DOP1A: variants seen among roughly 807,000 people sequenced by gnomAD.
DOP1A encodes protein DOP1A.
Under a neutral mutation model 267.6 loss-of-function variants are expected in DOP1A, and 90 were observed. The observed-to-expected ratio is 0.34, with a 90% CI of 0.28 to 0.40. DOP1A has a LOEUF of 0.40. Ranked by LOEUF, DOP1A falls within the 10% of genes least tolerant of loss-of-function variation. The pLI is 1.00. For missense variants in DOP1A, 2,437 were observed against 2,900.4 expected, an observed-to-expected ratio of 0.84 and a Z score of 3.67; for synonymous variants, 932 against 999.1, an observed-to-expected ratio of 0.93 and a Z score of 1.27.
intron 14 of DOP1A, 79 bp downstream of exon 14, chr6:83,125,274 A>G: frequency 7.3e-7 from 1 of 1,376,672 alleles, no homozygotes; most frequent in Admixed American, 2.4e-5. Context: ...TGTAGCAGAT[A>G]AAACTGGGGT....
At chr6:83,155,157 A>G (rs778492415) in intron 33 of DOP1A, among the ~76,000 whole-genome samples, 23 of 152,186 alleles carry the variant, frequency 1.5e-4, no homozygotes, top group Non-Finnish European at 2.6e-4. Flanking sequence ...TTCCAGGAAT[A>G]GGGAACAAGA....
At position 83,120,674 on chromosome 6, in the gene DOP1A, T is replaced by C; in HGVS notation, c.991-9T>C. The C allele has an allele frequency of 6.4e-7, 1 of 1,561,236 alleles. No homozygotes were observed. Among genetic ancestry groups the C allele is most frequent in the East Asian group, 2.3e-5 (1 of 44,050 alleles). On this transcript the variant is annotated splice_polypyrimidine_tract_variant and intron_variant, in intron 9 of 38. Transcript: ENST00000349129. ...ACTTAAATGACCAGTGTACTTTCCT[T>C]TTTTAAAGGCAATGGTGGGAATCTT...
chr6:83,166,247 G>T, intron 38 of DOP1A: 2 of 527,518 alleles, frequency 3.8e-6, no homozygotes, highest in South Asian at 6.7e-5. Context: ...TCAACATTGA[G>T]TTCTTGGGCA....
At chr6:83,090,666 T>C (rs1770185838) in intron 1 of DOP1A, among the ~76,000 whole-genome samples, 1 of 152,220 alleles carries the variant, frequency 6.6e-6, no homozygotes, top group South Asian at 2.1e-4. Flanking sequence ...GCACATGATT[T>C]TATATTTTAG....
In DOP1A at chr6:83,120,758, A is replaced by G. The variant is rs371712101; in HGVS notation, c.1066A>G (p.Ile356Val). 59 of 1,578,838 alleles carry G rather than the reference A, an allele frequency of 3.7e-5. No homozygotes were observed. The highest frequency in any genetic ancestry group is 4.8e-5 in the Non-Finnish European group (56 of 1,155,570). Residue 356 changes from isoleucine (I) to valine (V), a missense_variant, in exon 10 of 39, where the codon ATT becomes GTT. Coordinates refer to ENST00000349129, the MANE Select transcript of DOP1A (RefSeq NM_015018.4). ...TLMQDLKPFR[I>V]LISLLDKPEL... ...AATGCAGGATCTAAAGCCTTTTCGC[A>G]TTTTAATCAGTTTACTGGACAAACC... is the stretch of plus-strand genomic sequence containing the variant.
At chr6:83,148,688 G>A (rs1781010118) in intron 26 of DOP1A, 71 bp from the exon 27 acceptor site, 2 of 1,035,000 alleles carry the variant, frequency 1.9e-6, no homozygotes, top group South Asian at 1.7e-5. Flanking sequence ...TAAAAATTTA[G>A]AGAATGTTCC....
At chr6:83,169,083 T>C (rs1397702959), downstream of DOP1A, 1 of 1,438,038 alleles carries the variant, frequency 7.0e-7, no homozygotes, top group Non-Finnish European at 9.1e-7. Flanking sequence ...AGAATTATTC[T>C]GTTAGTGTTT....
intron 29 of DOP1A, 122 bp from the exon 30 acceptor site, chr6:83,152,166 A>T (rs1430164624): frequency 1.1e-6 from 1 of 911,296 alleles, no homozygotes. Context: ...CAGTGGGAAA[A>T]ATATATATAT....
chr6:83,073,916 G>A (rs1786032505), intron 1 of DOP1A, among the ~76,000 whole-genome samples: 1 of 152,174 alleles, frequency 6.6e-6, no homozygotes, highest in Non-Finnish European at 1.5e-5. Context: ...ATATCAAAGT[G>A]GGAGCTACAG....
chr6:83,140,687 A>G (rs987581042), intron 23 of DOP1A, among the ~76,000 whole-genome samples: 17 of 152,106 alleles, frequency 1.1e-4, no homozygotes, highest in African/African-American at 3.6e-4. Context: ...GGCCATTTGC[A>G]CTCACTCCCT....
chr6:83,154,075 A>G, intron 32 of DOP1A, 32 bp downstream of exon 32: 1 of 1,613,376 alleles, frequency 6.2e-7, no homozygotes, highest in East Asian at 2.2e-5. Flanking sequence ...ATTCAGCATG[A>G]TGCACCTCAC....
intron 7 of DOP1A, among the ~76,000 whole-genome samples, chr6:83,115,416 A>C (rs2128194889): frequency 6.6e-6 from 1 of 152,328 alleles, no homozygotes; most frequent in Middle Eastern, 3.4e-3. Context: ...TACTCTGAGC[A>C]GTTTTTAAGA....
chr6:83,111,992 C>T (rs1326438046), intron 6 of DOP1A, among the ~76,000 whole-genome samples: 6 of 151,980 alleles, frequency 3.9e-5, no homozygotes, highest in South Asian at 2.1e-4. Context: ...TTCTTCAATG[C>T]GTAAGTTTAT....
chr6:83,096,197 C>T (rs1028560762), intron 1 of DOP1A, among the ~76,000 whole-genome samples: 4 of 151,898 alleles, frequency 2.6e-5, no homozygotes, highest in African/African-American at 7.3e-5. Flanking sequence ...AAGCTATCCT[C>T]TCACTTCAGC....
At chr6:83,111,406 A>C (rs1025641125) in intron 6 of DOP1A, among the ~76,000 whole-genome samples, 1 of 151,502 alleles carries the variant, frequency 6.6e-6, no homozygotes, top group Non-Finnish European at 1.5e-5. Flanking sequence ...TGCCATTTCC[A>C]AGTTTTTTGG....
At chr6:83,088,794 A>T (rs115989742) in intron 1 of DOP1A, among the ~76,000 whole-genome samples, 1,758 of 152,298 alleles carry the variant, frequency 0.012, 42 homozygotes, top group African/African-American at 0.04. Flanking sequence ...TGACTAAATA[A>T]ATGATTCCTG....
At chr6:83,166,687 AT>A (rs1434520668) in intron 38 of DOP1A, 10 of 1,247,152 alleles carry the variant, frequency 8.0e-6, no homozygotes, top group Middle Eastern at 3.1e-4. Flanking sequence ...CCAACCTAAT[AT>A]TTTCCTTTTT....
At chr6:83,115,691 C>T (rs1436250767) in intron 7 of DOP1A, among the ~76,000 whole-genome samples, 2 of 152,278 alleles carry the variant, frequency 1.3e-5, no homozygotes, top group Non-Finnish European at 2.9e-5. Flanking sequence ...TGCCACTGCA[C>T]TCCAGCCTGG....
chr6:83,078,170 T>C (rs536697168), intron 1 of DOP1A, among the ~76,000 whole-genome samples: 28 of 152,324 alleles, frequency 1.8e-4, no homozygotes, highest in African/African-American at 5.5e-4. Context: ...TAGGTTTTGC[T>C]TAGCTGGGAC....
Sources: allele counts gnomAD v4.1 joint callset (sites outside exome capture counted in the v4.1 genomes callset), GRCh38; gene constraint gnomAD v4.1.1; transcripts MANE v1.5; gene names NCBI Gene and HGNC (gene_info 2026-07-23, HGNC 2026-07-21).